Variants in REEP6 observed in about 807,000 individuals in gnomAD.
The protein encoded by REEP6 is receptor accessory protein 6.
Under a neutral mutation model 22.4 loss-of-function variants are expected in REEP6, and 19 were observed. The observed-to-expected ratio is 0.85, with a 90% CI of 0.59 to 1.25. REEP6 has a LOEUF of 1.25. Ranked by LOEUF, REEP6 falls within the 50% of genes most tolerant of loss-of-function variation. The probability of loss-of-function intolerance (pLI) is 0.00; values close to 1 mark genes in which losing one functional copy is unlikely to be tolerated. For missense variants in REEP6, 273 were observed against 251.9 expected (o/e 1.08, Z -0.57); for synonymous variants, 121 against 113.6 (o/e 1.06, Z -0.41).
At chr19:1,496,713 TGTGTGCGC>T in intron 4 of REEP6, 1 of 672,154 alleles carries the variant, frequency 1.5e-6, no homozygotes, top group Non-Finnish European at 2.8e-6. Flanking sequence ...TGTGTGTGTG[TGTGTGCGC>T]GCGCGCGCGC....
chr19:1,493,828 CT>C (rs916239742), intron 1 of REEP6, among the ~76,000 whole-genome samples: 1 of 151,930 alleles, frequency 6.6e-6, no homozygotes, highest in African/African-American at 2.4e-5. Context: ...TGGCTCACGC[CT>C]GTAATCCCAG....
chr19:1,493,389 C>G (rs1318033926), intron 1 of REEP6, among the ~76,000 whole-genome samples: 1 of 152,116 alleles, frequency 6.6e-6, no homozygotes, highest in Non-Finnish European at 1.5e-5. Context: ...CTCCTCCTAC[C>G]CCTGACCTTG....
intron 1 of REEP6, among the ~76,000 whole-genome samples, chr19:1,494,163 T>G (rs1033186571): frequency 1.3e-5 from 2 of 152,190 alleles, no homozygotes; most frequent in African/African-American, 2.4e-5. Flanking sequence ...TACTCCCACT[T>G]ACCAAGGGGG....
Position 1,495,612 on chromosome 19 carries a change from G to A in REEP6, c.348+5G>A. The stretch of plus-strand genomic sequence containing the variant: ...CCTTTCTACTACGTGGGCAAGGTGG[G>A]CCCTGCCAGGGCGGGCACAGCCGTG... On this transcript the variant is annotated splice_donor_5th_base_variant and intron_variant, in intron 3 of 4. Coordinates refer to ENST00000233596, the MANE Select transcript of REEP6 (RefSeq NM_138393.4). The A allele has an allele frequency of 1.2e-6, 2 of 1,613,982 alleles. No homozygotes were observed. Among genetic ancestry groups the A allele is most frequent in the Non-Finnish European group, 1.7e-6 (2 of 1,179,980 alleles).
In REEP6 at chr19:1,496,348, C is replaced by G. The variant is rs371233140; in HGVS notation, c.412C>G (p.Arg138Gly). 1.2e-6 allele frequency: 2 copies of G among 1,612,870 alleles called. No individual in the cohort carries two copies. Among genetic ancestry groups the G allele is most frequent in the Non-Finnish European group, 1.7e-6 (2 of 1,179,904 alleles). The change falls in exon 4 of 5, where the codon CGC becomes GGC. Residue 138 changes from arginine to glycine, a missense_variant. Arg to Gly is a moderately radical substitution (Grantham distance 125). Coordinates refer to ENST00000233596, the MANE Select transcript of REEP6 (RefSeq NM_138393.4). ...GAACGGGGCTCTCATGCTGTATCAGCGCGTCGTGCGTCCGCTGTTCCTAAG... is the reference window on the plus strand; with the variant it reads ...GAACGGGGCTCTCATGCTGTATCAGGGCGTCGTGCGTCCGCTGTTCCTAAG... The part of the protein sequence containing the change: ...PWNGALMLYQ[R>G]VVRPLFLRHH...
At chr19:1,496,598 G>A in intron 4 of REEP6, 145 bp downstream of exon 4, 1 of 1,086,210 alleles carries the variant, frequency 9.2e-7, no homozygotes. Flanking sequence ...CAGTCTTGCA[G>A]GTCCTGGCCC....
At chr19:1,496,490 C>G in intron 4 of REEP6, 37 bp downstream of exon 4, 2 of 1,602,536 alleles carry the variant, frequency 1.2e-6, no homozygotes, top group East Asian at 4.5e-5. Flanking sequence ...CTCAGGCCAT[C>G]TCCCGGGTCT....
At chr19:1,492,090 C>T (rs1050716597) in intron 1 of REEP6, among the ~76,000 whole-genome samples, 1 of 152,158 alleles carries the variant, frequency 6.6e-6, no homozygotes, top group Non-Finnish European at 1.5e-5. Flanking sequence ...ATGTAGTAAA[C>T]GCTCCTTAAA....
At chr19:1,492,823 C>A (rs1310916850) in intron 1 of REEP6, among the ~76,000 whole-genome samples, 1 of 152,172 alleles carries the variant, frequency 6.6e-6, no homozygotes, top group Non-Finnish European at 1.5e-5. Context: ...CTGGAGGTCC[C>A]CAGGTGCCTG....
chr19:1,497,130 A>T lies in REEP6; in HGVS notation c.518-44A>T. 1.5e-6 allele frequency: 2 copies of T among 1,293,524 alleles called. No individual in the cohort carries two copies. The highest frequency in any genetic ancestry group is 2.1e-6 in the Non-Finnish European group (2 of 955,156). The allele number at this position is 1,293,524 out of a possible 1,614,324, so 80.1% of individuals were successfully genotyped here. A position where few individuals can be genotyped will look rare whatever the true frequency, so the allele number is the denominator to read the frequency against. On this transcript the variant is annotated intron_variant, in intron 4 of 4. Transcript: ENST00000233596. The surrounding 1 kb of genome is among the most constrained non-coding windows in gnomAD (Gnocchi z 6.5). The stretch of plus-strand genomic sequence containing the variant: ...GCCTGCGAGCAGCTCCGGGGAGCCC[A>T]GGCCTGCCTCACGGCCCTCCCCCAC...
intron 4 of REEP6, 71 bp downstream of exon 4, chr19:1,496,524 C>A: frequency 6.4e-7 from 1 of 1,559,216 alleles, no homozygotes; most frequent in East Asian, 2.3e-5. Context: ...TCCACCTTGC[C>A]TCCCTTTCTG....
chr19:1,491,464 C>G lies in REEP6; in HGVS notation c.115+80C>G. On this transcript the variant is annotated intron_variant, in intron 1 of 4. Transcript: ENST00000233596. The surrounding 1 kb of genome is among the most constrained non-coding windows in gnomAD (Gnocchi z 5.4). ...TGGGGGTCGCAGACCGGACTCCTTC[C>G]CCGGCTACGGGGTCCGGTCCGGCCG... 1 of 1,026,392 alleles carries G rather than the reference C, an allele frequency of 9.7e-7. No homozygotes were observed. The highest frequency in any genetic ancestry group is 3.0e-4 in the Middle Eastern group (1 of 3,378). 63.6% of individuals were successfully genotyped at this position (1,026,392 alleles called of 1,614,324 possible). A position where few individuals can be genotyped will look rare whatever the true frequency, so the allele number is the denominator to read the frequency against.
chr19:1,495,275 C>T lies in REEP6; in HGVS notation c.116-19C>T. 6.2e-7 allele frequency: 1 copy of T among 1,609,262 alleles called. No homozygotes were observed. The highest frequency in any genetic ancestry group is 1.3e-5 in the African/African-American group (1 of 75,042). On this transcript the variant is annotated intron_variant, in intron 1 of 4. Transcript: ENST00000233596. ...CAGCGGGTCCCCAGCCCTGGCACAC[C>T]ACCGCCTCTCTCCGGCAGGAGCCGT...
intron 4 of REEP6, 27 bp downstream of exon 4, chr19:1,496,480 C>G (rs756173094): frequency 1.2e-6 from 2 of 1,604,788 alleles, no homozygotes; most frequent in African/African-American, 1.3e-5. Context: ...GCCTGGCTGC[C>G]TCAGGCCATC....
intron 1 of REEP6, among the ~76,000 whole-genome samples, chr19:1,492,742 C>CCT (rs796966828): frequency 6.6e-5 from 10 of 152,174 alleles, no homozygotes; most frequent in African/African-American, 2.4e-4. Context: ...CAGTTCCCCC[C>CCT]CAATTTTCCC....
intron 1 of REEP6, among the ~76,000 whole-genome samples, chr19:1,494,481 GA>G (rs1475963143): frequency 3.3e-5 from 5 of 152,192 alleles, no homozygotes; most frequent in African/African-American, 4.8e-5. Context: ...AAACAACCAA[GA>G]ATGACCCGGC....
Position 1,497,146 on chromosome 19 carries a change from C to T in REEP6, c.518-28C>T. On this transcript the variant is annotated intron_variant, in intron 4 of 4. Transcript: ENST00000233596. This position sits in a 1 kb window ranked among gnomAD's most constrained non-coding sequence, Gnocchi z 6.5. ...GGGGAGCCCAGGCCTGCCTCACGGC[C>T]CTCCCCCACCCGCCCCTCTCTCTGC... is the stretch of plus-strand genomic sequence containing the variant. 7.6e-7 allele frequency: 1 copy of T among 1,322,096 alleles called. No individual in the cohort carries two copies. The highest frequency in any genetic ancestry group is 1.0e-6 in the Non-Finnish European group (1 of 988,908). The allele number at this position is 1,322,096 out of a possible 1,614,324, so 81.9% of individuals were successfully genotyped here. A position where few individuals can be genotyped will look rare whatever the true frequency, so the allele number is the denominator to read the frequency against.
chr19:1,497,487 G>T lies in REEP6; in HGVS notation c.*276G>T. The T allele has an allele frequency of 1.5e-6, 1 of 687,268 alleles. No individual in the cohort carries two copies. The allele number at this position is 687,268 out of a possible 1,614,324, so 42.6% of individuals were successfully genotyped here. ...CGGCAGGGCCCAGGGCCAGCGTCGG[G>T]CACAGGGCAGCTCCCACTGGTCTCG... On this transcript the variant is annotated 3_prime_UTR_variant, in exon 5 of 5. Transcript: ENST00000233596. The surrounding 1 kb of genome is among the most constrained non-coding windows in gnomAD (Gnocchi z 6.5).
At position 1,497,329 on chromosome 19, in the gene REEP6, C is replaced by T. The variant is rs898408894; in HGVS notation, c.*118C>T. ...CCAACAGCAGCCCCTGCCAGTCCCT[C>T]GGGTCCAGGCAAGGCCCTGGGGGTC... On this transcript the variant is annotated 3_prime_UTR_variant, in exon 5 of 5. Coordinates refer to ENST00000233596, the MANE Select transcript of REEP6 (RefSeq NM_138393.4). The surrounding 1 kb of genome is among the most constrained non-coding windows in gnomAD (Gnocchi z 6.5). 8.2e-6 allele frequency: 8 copies of T among 980,298 alleles called. No homozygotes were observed. Among genetic ancestry groups the T allele is most frequent in the African/African-American group, 8.1e-5 (5 of 61,842 alleles). The allele number at this position is 980,298 out of a possible 1,614,324, so 60.7% of individuals were successfully genotyped here. A position where few individuals can be genotyped will look rare whatever the true frequency, so the allele number is the denominator to read the frequency against.
Sources: allele counts gnomAD v4.1 joint callset (sites outside exome capture counted in the v4.1 genomes callset), GRCh38; gene constraint gnomAD v4.1.1; non-coding constraint Gnocchi (gnomAD v3.1); transcripts MANE v1.5; gene names NCBI Gene and HGNC (gene_info 2026-07-23, HGNC 2026-07-21).